Variants in PATJ observed in about 807,000 individuals in gnomAD.
PATJ encodes the protein inaD-like protein.
In PATJ, 190 loss-of-function variants were observed where a neutral mutation model predicts 224.9. That is an observed-to-expected ratio of 0.84 (90% CI 0.75 to 0.95). The LOEUF (loss-of-function observed/expected upper bound fraction) is 0.95, where lower values mean the gene tolerates loss of function less well. Among genes scored for constraint, PATJ ranks in the 40% least tolerant of loss-of-function variants. The pLI, the probability that PATJ is intolerant of heterozygous loss-of-function variation, is 0.00. For missense variants in PATJ, 2,121 were observed against 2,270.3 expected (o/e 0.93, Z 1.34); for synonymous variants, 769 against 820.3 (o/e 0.94, Z 1.07).
chr1:62,051,156 C>G lies in PATJ; in HGVS notation c.4125+98C>G, dbSNP rs1570336296. Reference sequence around the variant, plus strand: ...AAAGAACCACCTATCATGTTTGCTTCTCTCAGGAATCTTCGTCTGTGAGAC... The same window carrying G: ...AAAGAACCACCTATCATGTTTGCTTGTCTCAGGAATCTTCGTCTGTGAGAC... On this transcript the variant is annotated intron_variant, in intron 31 of 43. Coordinates refer to ENST00000642238, the MANE Select transcript of PATJ (RefSeq NM_001350145.3). The G allele has an allele frequency of 1.0e-5, 9 of 877,534 alleles. No homozygotes were observed. The South Asian group carries it at 1.2e-4, about 12-fold the overall frequency. 54.4% of individuals were successfully genotyped at this position (877,534 alleles called of 1,614,324 possible). A position where few individuals can be genotyped will look rare whatever the true frequency, so the allele number is the denominator to read the frequency against.
chr1:62,153,934 G>T (rs545953915), intron 43 of PATJ, among the ~76,000 whole-genome samples: 1 of 152,144 alleles, frequency 6.6e-6, no homozygotes, highest in Non-Finnish European at 1.5e-5. Flanking sequence ...AGGGAGTTTC[G>T]CTCTTGTCGC....
chr1:61,866,257 G>C (rs1396870147), intron 20 of PATJ, among the ~76,000 whole-genome samples: 2 of 152,074 alleles, frequency 1.3e-5, no homozygotes, highest in Admixed American at 6.6e-5. Flanking sequence ...AATTTTCTAT[G>C]TACCCAAATA....
At chr1:62,034,089 A>G (rs1423893943) in intron 29 of PATJ, among the ~76,000 whole-genome samples, 1 of 152,176 alleles carries the variant, frequency 6.6e-6, no homozygotes, top group African/African-American at 2.4e-5. Flanking sequence ...AACAATTACA[A>G]TTCCTGACTG....
At chr1:61,924,613 T>C (rs1421787545) in intron 26 of PATJ, among the ~76,000 whole-genome samples, 1 of 152,190 alleles carries the variant, frequency 6.6e-6, no homozygotes, top group East Asian at 1.9e-4. Flanking sequence ...TCAACTATTT[T>C]CTGGAAACTC....
At chr1:62,015,594 G>A (rs1030082896) in intron 28 of PATJ, among the ~76,000 whole-genome samples, 3 of 151,996 alleles carry the variant, frequency 2.0e-5, no homozygotes, top group African/African-American at 7.2e-5. Flanking sequence ...GTGCAGTGGC[G>A]CAATCTCGGC....
chr1:61,874,364 A>ATT (rs1667080013), intron 20 of PATJ, among the ~76,000 whole-genome samples: 1 of 151,886 alleles, frequency 6.6e-6, no homozygotes, highest in African/African-American at 2.4e-5. Flanking sequence ...TGCCTGGCTA[A>ATT]TTTTTGTATT....
chr1:62,151,897 A>G (rs996991545), intron 42 of PATJ, among the ~76,000 whole-genome samples: 13 of 152,340 alleles, frequency 8.5e-5, no homozygotes, highest in African/African-American at 3.1e-4. Flanking sequence ...TTAGATTAAG[A>G]TTAAATTACT....
At chr1:61,946,622 G>A (rs377142038) in intron 27 of PATJ, among the ~76,000 whole-genome samples, 1 of 152,062 alleles carries the variant, frequency 6.6e-6, no homozygotes, top group Non-Finnish European at 1.5e-5. Flanking sequence ...ATTCACAGCC[G>A]AATTCTACCA....
At chr1:61,845,782 A>G (rs1187279462) in intron 17 of PATJ, among the ~76,000 whole-genome samples, 1 of 152,234 alleles carries the variant, frequency 6.6e-6, no homozygotes, top group African/African-American at 2.4e-5. Context: ...CTGTGTTGTC[A>G]GACAATCTCC....
intron 41 of PATJ, among the ~76,000 whole-genome samples, chr1:62,131,624 G>T (rs566220597): frequency 6.6e-6 from 1 of 151,834 alleles, no homozygotes; most frequent in Non-Finnish European, 1.5e-5. Flanking sequence ...CCCCAGCATG[G>T]GCTACAAGAG....
intron 26 of PATJ, among the ~76,000 whole-genome samples, chr1:61,915,021 A>G (rs1295726860): frequency 6.6e-6 from 1 of 152,158 alleles, no homozygotes; most frequent in Non-Finnish European, 1.5e-5. Flanking sequence ...GCTCTCCCAT[A>G]AGAATCCTTT....
At chr1:61,795,096 T>A (rs965230508) in intron 9 of PATJ, among the ~76,000 whole-genome samples, 2 of 109,744 alleles carry the variant, frequency 1.8e-5, no homozygotes, top group Non-Finnish European at 1.8e-5. Flanking sequence ...GTCATAGTGA[T>A]GGTAAAAAAA....
chr1:61,971,349 A>G lies in PATJ; in HGVS notation c.3671-18819A>G, dbSNP rs552667999. On this transcript the variant is annotated intron_variant, in intron 27 of 43. Coordinates refer to ENST00000642238, the MANE Select transcript of PATJ (RefSeq NM_001350145.3). The stretch of plus-strand genomic sequence containing the variant: ...TGTTAGTGTCTGGTTTCTTTCCCCA[A>G]CTGTTTAAAACAGCGTAAGGCCAGG... 7.9e-5 allele frequency among the ~76,000 whole-genome samples: 12 copies of G among 152,238 alleles called. No individual in the cohort carries two copies. In the South Asian group the frequency reaches 2.1e-3, roughly 26 times the overall value.
chr1:61,809,362 A>G (rs1008176092), intron 14 of PATJ, among the ~76,000 whole-genome samples: 3 of 151,746 alleles, frequency 2.0e-5, no homozygotes, highest in Admixed American at 6.6e-5. Context: ...CTCTTCTGTC[A>G]CATGCAGTTT....
chr1:61,950,587 T>A (rs923225161), intron 27 of PATJ, among the ~76,000 whole-genome samples: 1 of 152,228 alleles, frequency 6.6e-6, no homozygotes, highest in African/African-American at 2.4e-5. Flanking sequence ...TGCCAATAGG[T>A]GTCACTACAA....
chr1:62,027,034 C>G (rs1648093306), intron 29 of PATJ, among the ~76,000 whole-genome samples: 1 of 152,182 alleles, frequency 6.6e-6, no homozygotes, highest in South Asian at 2.1e-4. Flanking sequence ...GAAGTACATT[C>G]ACACTGTTGG....
chr1:62,094,704 T>G (rs1211005852), intron 33 of PATJ, among the ~76,000 whole-genome samples: 2 of 152,168 alleles, frequency 1.3e-5, no homozygotes, highest in African/African-American at 2.4e-5. Context: ...TAATGCCCAC[T>G]TACGTTATCT....
intron 14 of PATJ, among the ~76,000 whole-genome samples, chr1:61,819,939 A>G (rs114666161): frequency 1.6e-3 from 237 of 152,348 alleles, no homozygotes; most frequent in African/African-American, 5.3e-3. Flanking sequence ...AAATCACTTC[A>G]TGAACATAGA....
chr1:62,133,976 C>T (rs1666540413), intron 41 of PATJ, among the ~76,000 whole-genome samples: 1 of 151,908 alleles, frequency 6.6e-6, no homozygotes, highest in Admixed American at 6.6e-5. Context: ...AAACTCCTGA[C>T]CTCAGGTGAT....
Sources: allele counts gnomAD v4.1 joint callset (sites outside exome capture counted in the v4.1 genomes callset), GRCh38; gene constraint gnomAD v4.1.1; transcripts MANE v1.5; gene names NCBI Gene and HGNC (gene_info 2026-07-23, HGNC 2026-07-21).